The following TSHR variants were observed in gnomAD, a reference collection of about 807,000 sequenced individuals.
TSHR encodes the protein thyrotropin receptor.
In TSHR, 51 loss-of-function variants were observed where a neutral mutation model predicts 64.1. That is an observed-to-expected ratio of 0.80 (90% confidence interval 0.64 to 1.01). The LOEUF (loss-of-function observed/expected upper bound fraction) is 1.01. TSHR is among the 50% of genes least tolerant of loss of function. The pLI, the probability that TSHR is intolerant of heterozygous loss-of-function variation, is 0.00. For missense variants in TSHR, 877 were observed against 942.8 expected, an observed-to-expected ratio of 0.93 and a Z score of 0.91; for synonymous variants, 361 against 361.9, an observed-to-expected ratio of 1.00 and a Z score of 0.03.
chr14:81,007,167 T>C (rs752472202), intron 1 of TSHR, among the ~76,000 whole-genome samples: 24 of 152,190 alleles, frequency 1.6e-4, no homozygotes, highest in Non-Finnish European at 2.9e-4. Flanking sequence ...TAGATTTATA[T>C]GAGGTCATGA....
At chr14:80,956,557 A>G (rs943539452) in intron 1 of TSHR, among the ~76,000 whole-genome samples, 7 of 152,248 alleles carry the variant, frequency 4.6e-5, no homozygotes, top group African/African-American at 1.7e-4. Context: ...CTTAACAGCA[A>G]TTTAAATCAG....
intron 1 of TSHR, among the ~76,000 whole-genome samples, chr14:81,031,743 C>T (rs939848315): frequency 6.6e-6 from 1 of 152,158 alleles, no homozygotes; most frequent in Non-Finnish European, 1.5e-5. Flanking sequence ...GCAAACTAGC[C>T]ACACAAACTC....
intron 1 of TSHR, among the ~76,000 whole-genome samples, chr14:81,030,102 G>C (rs1359436467): frequency 6.6e-6 from 1 of 152,172 alleles, no homozygotes; most frequent in East Asian, 1.9e-4. Flanking sequence ...ATTTATTGCA[G>C]CACAGAAGAG....
chr14:81,019,142 G>T (rs1204086003), intron 1 of TSHR, among the ~76,000 whole-genome samples: 1 of 151,942 alleles, frequency 6.6e-6, no homozygotes, highest in Non-Finnish European at 1.5e-5. Flanking sequence ...CAAATTGGTG[G>T]CATGCAACAT....
At chr14:81,108,211 G>T in intron 7 of TSHR, 164 bp from the exon 8 acceptor site, 1 of 632,366 alleles carries the variant, frequency 1.6e-6, no homozygotes, top group Non-Finnish European at 2.8e-6. Flanking sequence ...TTGAAACCTA[G>T]AATGTTTTAA....
chr14:81,059,532 T>C (rs1231071024), intron 1 of TSHR, among the ~76,000 whole-genome samples: 1 of 152,174 alleles, frequency 6.6e-6, no homozygotes, highest in African/African-American at 2.4e-5. Flanking sequence ...ATTCTAATAA[T>C]TCATTTAACA....
chr14:81,027,348 T>G (rs1427568306), intron 1 of TSHR, among the ~76,000 whole-genome samples: 2 of 152,094 alleles, frequency 1.3e-5, no homozygotes, highest in African/African-American at 4.8e-5. Context: ...GATTTGAATC[T>G]GTAGAATTAA....
intron 1 of TSHR, chr14:81,014,214 C>T (rs1268299786): frequency 6.6e-6 from 1 of 152,180 alleles, no homozygotes; most frequent in Non-Finnish European, 1.5e-5. Flanking sequence ...GGACGGTCTC[C>T]TCAGAACCCC....
chr14:81,046,080 G>A (rs1412478130), intron 1 of TSHR, among the ~76,000 whole-genome samples: 1 of 152,128 alleles, frequency 6.6e-6, no homozygotes, highest in African/African-American at 2.4e-5. Flanking sequence ...ACACACTTCT[G>A]CCACATTCTA....
At chr14:81,043,756 A>G (rs976094278) in intron 1 of TSHR, among the ~76,000 whole-genome samples, 21 of 152,120 alleles carry the variant, frequency 1.4e-4, no homozygotes, top group Non-Finnish European at 2.9e-4. Context: ...AATGGAACAG[A>G]AAAAAAGAAC....
chr14:81,041,404 A>C (rs1884916641), intron 1 of TSHR, among the ~76,000 whole-genome samples: 1 of 152,198 alleles, frequency 6.6e-6, no homozygotes, highest in Non-Finnish European at 1.5e-5. Flanking sequence ...TATCCTTAGC[A>C]AACAAATGCA....
intron 1 of TSHR, among the ~76,000 whole-genome samples, chr14:81,036,128 G>A (rs1884612180): frequency 1.3e-5 from 2 of 152,222 alleles, no homozygotes; most frequent in South Asian, 4.2e-4. Flanking sequence ...TGCATTATGG[G>A]ATTTCCATAG....
At chr14:81,007,498 T>C (rs1281558530) in intron 1 of TSHR, among the ~76,000 whole-genome samples, 2 of 152,166 alleles carry the variant, frequency 1.3e-5, no homozygotes, top group Non-Finnish European at 2.9e-5. Context: ...GTTATGAGTT[T>C]TAGAGAGGAA....
intron 7 of TSHR, chr14:81,104,440 G>A (rs912376341): frequency 2.0e-6 from 2 of 985,254 alleles, no homozygotes; most frequent in African/African-American, 3.5e-5. Flanking sequence ...TCCCCAGAGA[G>A]CCAAGTTCAG....
chr14:80,959,986 A>C lies in TSHR; in HGVS notation c.170+4136A>C, dbSNP rs2300515. 2.0e-4 allele frequency among the ~76,000 whole-genome samples: 30 copies of C among 152,364 alleles called. No homozygotes were observed. In the East Asian group the frequency reaches 5.6e-3, roughly 28 times the overall value. ...GTAACCAGAAAACTAAAGACAGAAA[A>C]AACAAAAATATAATTAAATTCTAGC... On this transcript the variant is annotated intron_variant, in intron 1 of 9. Coordinates refer to ENST00000298171, the MANE Select transcript of TSHR (RefSeq NM_000369.5).
chr14:81,078,480 T>A (rs1404891360), intron 3 of TSHR, among the ~76,000 whole-genome samples: 1 of 152,210 alleles, frequency 6.6e-6, no homozygotes. Flanking sequence ...TTAATCATAA[T>A]ATGCCTAGGT....
At chr14:81,017,205 T>C (rs1883460576) in intron 1 of TSHR, among the ~76,000 whole-genome samples, 1 of 152,202 alleles carries the variant, frequency 6.6e-6, no homozygotes, top group Admixed American at 6.6e-5. Flanking sequence ...TAAGGGCACT[T>C]GGGGTCACAG....
chr14:81,054,583 G>T (rs1176312763), intron 1 of TSHR, among the ~76,000 whole-genome samples: 1 of 152,184 alleles, frequency 6.6e-6, no homozygotes, highest in Non-Finnish European at 1.5e-5. Context: ...ATGAAATCTA[G>T]GCTGAGATGG....
Position 81,145,190 on chromosome 14 carries a change from A to T in TSHR, c.*837A>T, listed in dbSNP as rs958065331. On this transcript the variant is annotated 3_prime_UTR_variant, in exon 10 of 10. Coordinates refer to ENST00000298171, the MANE Select transcript of TSHR (RefSeq NM_000369.5). ...TGATTAATAAAACAGGCTGGACACT[A>T]ATTAACTATGGGACTTAAATCTGTA... 8.6e-6 allele frequency: 2 copies of T among 233,008 alleles called. No homozygotes were observed. The highest frequency in any genetic ancestry group is 5.6e-5 in the Admixed American group (1 of 17,784). The allele number at this position is 233,008 out of a possible 1,614,324, so 14.4% of individuals were successfully genotyped here. A position where few individuals can be genotyped will look rare whatever the true frequency, so the allele number is the denominator to read the frequency against.
Sources: gnomAD v4.1 joint callset for allele counts (sites outside exome capture counted in the v4.1 genomes callset) on GRCh38, gnomAD v4.1.1 for gene constraint, MANE v1.5 for transcripts, NCBI Gene and HGNC (gene_info 2026-07-23, HGNC 2026-07-21) for gene names.